Variants in PNLIPRP3 observed in about 807,000 individuals in gnomAD.
PNLIPRP3 encodes pancreatic lipase related protein 3.
Under a neutral mutation model 52.8 loss-of-function variants are expected in PNLIPRP3, and 58 were observed. That is an observed-to-expected ratio of 1.10 (90% CI 0.89 to 1.37). The LOEUF is 1.37. Among genes scored for constraint, PNLIPRP3 ranks in the 40% most tolerant of loss-of-function variants. PNLIPRP3 has a pLI of 0.00. For missense variants in PNLIPRP3, 593 were observed against 561.6 expected, an observed-to-expected ratio of 1.06 and a Z score of -0.57; for synonymous variants, 192 against 185.0, an observed-to-expected ratio of 1.04 and a Z score of -0.31.
At chr10:116,461,317 T>C in intron 7 of PNLIPRP3, 27 bp downstream of exon 7, 1 of 1,601,804 alleles carries the variant, frequency 6.2e-7, no homozygotes, top group Non-Finnish European at 8.5e-7. Context: ...CTATGAATGC[T>C]ACTGATGCAT....
At chr10:116,476,910 T>A (rs1212375479) in intron 11 of PNLIPRP3, 91 bp downstream of exon 11, 1 of 1,342,116 alleles carries the variant, frequency 7.5e-7, no homozygotes, top group Non-Finnish European at 1.0e-6. Flanking sequence ...GCAAGTAGCA[T>A]AAAAATTTAT....
rs896657219 is a variant in PNLIPRP3, at chr10:116,461,263, A to G, written c.781A>G (p.Lys261Glu). The change falls in exon 7 of 12, where the codon AAA becomes GAA. Residue 261 changes from lysine (K) to glutamate (E), a missense_variant. Lys to Glu is a moderately conservative substitution (Grantham distance 56). Transcript: ENST00000369230. ...GCEDLITPLL[K>E]FNFNAYKKEM... is the part of the protein sequence containing the mutation. ...TGAAGACTTAATTACACCTTTACTGAAATTTAACTTCAATGCTTACAAAAA... is the reference window on the plus strand; with the variant it reads ...TGAAGACTTAATTACACCTTTACTGGAATTTAACTTCAATGCTTACAAAAA... 1.8e-5 allele frequency: 29 copies of G among 1,613,116 alleles called. No homozygotes were observed. In the African/African-American group the frequency reaches 3.9e-4, roughly 22 times the overall value.
rs753051705 is a variant in PNLIPRP3, at chr10:116,461,068, G to A, written c.668G>A (p.Arg223His). The A allele has an allele frequency of 8.1e-6, 13 of 1,614,146 alleles. No homozygotes were observed. The highest frequency in any genetic ancestry group is 4.5e-5 in the East Asian group (2 of 44,864). The change falls in exon 6 of 12, where the codon CGC becomes CAC. Residue 223 changes from arginine to histidine, a missense_variant. Coordinates refer to ENST00000369230, the MANE Select transcript of PNLIPRP3 (RefSeq NM_001011709.3). Reference protein sequence around the residue: ...FVDVIHTNAARILFELGVGTI... With the variant: ...FVDVIHTNAAHILFELGVGTI... ...GACGTTATTCATACAAATGCAGCTCGCATCCTCTTTGAGCTTGGTAAGTTT... is the reference window on the plus strand; with the variant it reads ...GACGTTATTCATACAAATGCAGCTCACATCCTCTTTGAGCTTGGTAAGTTT...
At chr10:116,470,993 A>G (rs1388190780) in intron 9 of PNLIPRP3, among the ~76,000 whole-genome samples, 8 of 152,242 alleles carry the variant, frequency 5.3e-5, no homozygotes, top group African/African-American at 1.9e-4. Context: ...GCCAGGTTCC[A>G]GTAGAATGGG....
Position 116,477,119 on chromosome 10 carries a change from G to C in PNLIPRP3, c.1370G>C (p.Gly457Ala), listed in dbSNP as rs550696709. Residue 457 changes from glycine to alanine, a missense_variant, in exon 12 of 12, where the codon GGA becomes GCA. Physicochemically the swap from Gly to Ala is moderately conservative, Grantham distance 60. Transcript: ENST00000369230. ...ACCTTCTGTAGCCAAGACATTATGG[G>C]ACCTAATATTCTCCAGAACCTGAAA... is the stretch of plus-strand genomic sequence containing the variant. ...KSTFCSQDIM[G>A]PNILQNLKPC is the part of the protein sequence containing the mutation. The C allele has an allele frequency of 1.3e-6, 2 of 1,598,086 alleles. No homozygotes were observed. The highest frequency in any genetic ancestry group is 2.7e-5 in the African/African-American group (2 of 74,434).
At chr10:116,459,500 C>T (rs1936880837) in intron 5 of PNLIPRP3, among the ~76,000 whole-genome samples, 1 of 152,124 alleles carries the variant, frequency 6.6e-6, no homozygotes, top group African/African-American at 2.4e-5. Context: ...TGCTTGCAAG[C>T]TTACAACAGC....
chr10:116,461,090 G>T lies in PNLIPRP3; in HGVS notation c.685+5G>T, dbSNP rs1430643348. ...CTCGCATCCTCTTTGAGCTTGGTAA[G>T]TTTTAACAGAATCAGAAACTTCATT... On this transcript the variant is annotated splice_donor_5th_base_variant and intron_variant, in intron 6 of 11. Transcript: ENST00000369230. 1 of 1,614,118 alleles carries T rather than the reference G, an allele frequency of 6.2e-7. No homozygotes were observed. The highest frequency in any genetic ancestry group is 1.7e-5 in the Admixed American group (1 of 60,020).
At chr10:116,460,588 C>A (rs1178721427) in intron 5 of PNLIPRP3, among the ~76,000 whole-genome samples, 1 of 152,202 alleles carries the variant, frequency 6.6e-6, no homozygotes, top group East Asian at 1.9e-4. Flanking sequence ...GTAGATTCAT[C>A]TTTACACATC....
intron 4 of PNLIPRP3, among the ~76,000 whole-genome samples, chr10:116,450,399 G>A (rs1460153357): frequency 2.6e-5 from 4 of 151,994 alleles, no homozygotes; most frequent in Non-Finnish European, 4.4e-5. Context: ...GGATACCCCT[G>A]AACTAGATAA....
intron 4 of PNLIPRP3, among the ~76,000 whole-genome samples, chr10:116,445,986 G>C (rs1041653085): frequency 1.3e-5 from 2 of 152,146 alleles, no homozygotes; most frequent in Non-Finnish European, 2.9e-5. Context: ...AAGGGGATAA[G>C]GGCTGAGAGT....
intron 5 of PNLIPRP3, among the ~76,000 whole-genome samples, chr10:116,456,083 G>A (rs1423722738): frequency 6.6e-6 from 1 of 152,202 alleles, no homozygotes; most frequent in Non-Finnish European, 1.5e-5. Flanking sequence ...TTGAATGGTT[G>A]AAGCAATTAT....
chr10:116,477,221 C>T lies in PNLIPRP3; in HGVS notation c.*68C>T. 7.6e-7 allele frequency: 1 copy of T among 1,312,150 alleles called. No individual in the cohort carries two copies. The highest frequency in any genetic ancestry group is 2.0e-5 in the Admixed American group (1 of 50,690). 81.3% of individuals were successfully genotyped at this position (1,312,150 alleles called of 1,614,324 possible). On this transcript the variant is annotated 3_prime_UTR_variant, in exon 12 of 12. Transcript: ENST00000369230. ...AAGAAAAGTGTCTCCTTCCACCTGG[C>T]ATCCAGACCAAATTTGACCCTTGTA... is the stretch of plus-strand genomic sequence containing the variant.
intron 2 of PNLIPRP3, among the ~76,000 whole-genome samples, chr10:116,440,815 C>G (rs147715880): frequency 6.6e-6 from 1 of 152,120 alleles, no homozygotes; most frequent in Non-Finnish European, 1.5e-5. Context: ...TGCACACTTC[C>G]GGTAGTTTCT....
chr10:116,453,302 T>G (rs1472312307), intron 4 of PNLIPRP3, among the ~76,000 whole-genome samples: 1 of 152,156 alleles, frequency 6.6e-6, no homozygotes, highest in Non-Finnish European at 1.5e-5. Context: ...AAATAACTTG[T>G]TTTTTATTTT....
chr10:116,469,151 A>G (rs777828392), intron 8 of PNLIPRP3, 34 bp from the exon 9 acceptor site: 1 of 1,586,078 alleles, frequency 6.3e-7, no homozygotes, highest in African/African-American at 1.4e-5. Flanking sequence ...ATTTCTAATT[A>G]CATAAGTAAT....
intron 4 of PNLIPRP3, among the ~76,000 whole-genome samples, chr10:116,450,436 G>A (rs1274235533): frequency 6.6e-6 from 1 of 152,078 alleles, no homozygotes; most frequent in Non-Finnish European, 1.5e-5. Context: ...TCTAAAGTTA[G>A]CAGAAGAAGG....
rs758998223 is a variant in PNLIPRP3, at chr10:116,477,089, G to A, written c.1341-1G>A. 2 of 1,582,546 alleles carry A rather than the reference G, an allele frequency of 1.3e-6. No individual in the cohort carries two copies. The highest frequency in any genetic ancestry group is 2.2e-5 in the East Asian group (1 of 44,492). On this transcript the variant is annotated splice_acceptor_variant, in intron 11 of 11. Coordinates refer to ENST00000369230, the MANE Select transcript of PNLIPRP3 (RefSeq NM_001011709.3). LOFTEE classifies it high-confidence loss of function. ...TTTTTTTTTTCCTTAAAAACTTTCA[G>A]ATCTACCTTCTGTAGCCAAGACATT...
At chr10:116,457,877 A>G (rs1846137492) in intron 5 of PNLIPRP3, among the ~76,000 whole-genome samples, 1 of 152,200 alleles carries the variant, frequency 6.6e-6, no homozygotes, top group East Asian at 1.9e-4. Flanking sequence ...GGGTAAATAG[A>G]AAACAGATTT....
chr10:116,465,624 A>C (rs560838073), intron 7 of PNLIPRP3, among the ~76,000 whole-genome samples: 4 of 152,172 alleles, frequency 2.6e-5, no homozygotes, highest in Non-Finnish European at 5.9e-5. Flanking sequence ...GGCAAACAGG[A>C]ATCGAAGTTC....
Sources: allele counts gnomAD v4.1 joint callset (sites outside exome capture counted in the v4.1 genomes callset), GRCh38; gene constraint gnomAD v4.1.1; transcripts MANE v1.5; gene names NCBI Gene and HGNC (gene_info 2026-07-23, HGNC 2026-07-21).